The following ELP5 variants were observed in gnomAD, a reference collection of about 807,000 sequenced individuals.
ELP5 encodes elongator complex protein 5.
In ELP5, 34 loss-of-function variants were observed where a neutral mutation model predicts 33.4. The ratio of observed to expected loss-of-function variants is 1.02; its 90% CI spans 0.78 to 1.36. The LOEUF (loss-of-function observed/expected upper bound fraction) is 1.36, where lower values mean the gene tolerates loss of function less well. ELP5 is among the 40% of genes most tolerant of loss of function. The pLI is 0.00. For missense variants in ELP5, 373 were observed against 371.7 expected, an observed-to-expected ratio of 1.00 and a Z score of -0.03; for synonymous variants, 161 against 146.4, an observed-to-expected ratio of 1.10 and a Z score of -0.72.
At chr17:7,259,406 A>G (rs750149164) in intron 7 of ELP5, 165 bp from the exon 8 acceptor site, 139 of 1,444,410 alleles carry the variant, frequency 9.6e-5, no homozygotes, top group Non-Finnish European at 1.2e-4. Flanking sequence ...CCAGTACCAA[A>G]TGGTGCTTCA....
intron 4 of ELP5, among the ~76,000 whole-genome samples, chr17:7,255,591 G>A (rs549614580): frequency 6.6e-6 from 1 of 152,082 alleles, no homozygotes; most frequent in Admixed American, 6.5e-5. Flanking sequence ...GCCGGGCAGG[G>A]GCACTGAGAC....
intron 5 of ELP5, 49 bp downstream of exon 5, chr17:7,257,087 G>C: frequency 6.7e-7 from 1 of 1,487,742 alleles, no homozygotes; most frequent in Non-Finnish European, 8.9e-7. Flanking sequence ...CAGAGAAAGG[G>C]GTGGCACGAT....
chr17:7,252,714 C>T, intron 1 of ELP5, 56 bp from the exon 2 acceptor site: 1 of 1,612,670 alleles, frequency 6.2e-7, no homozygotes, highest in African/African-American at 1.3e-5. Context: ...GCGACGGGTT[C>T]GCGAAGGCGG....
upstream of ELP5, chr17:7,251,945 T>G (rs541118059): frequency 6.2e-6 from 1 of 160,144 alleles, no homozygotes; most frequent in East Asian, 1.9e-4. Flanking sequence ...GGTTTCCCAC[T>G]CTGACAGGCG....
rs201957922 is a variant in ELP5, at chr17:7,259,587, C to A, written c.805C>A (p.Arg269=). The A allele has an allele frequency of 6.2e-7, 1 of 1,614,236 alleles. No individual in the cohort carries two copies. The highest frequency in any genetic ancestry group is 8.5e-7 in the Non-Finnish European group (1 of 1,180,028). Residue 269 remains arginine (R), a synonymous_variant, in exon 8 of 8, where the codon CGG becomes AGG. Coordinates refer to ENST00000396628, the MANE Select transcript of ELP5 (RefSeq NM_203414.3). ...CCTTCTCAGACAGCAGGCTCTCCTG[C>A]GGCCTAGGCCAGGGCAGGCTACCAG... is the stretch of plus-strand genomic sequence containing the variant. ...FSSEKQQALL[R]PRPGQATSHI...
chr17:7,253,944 C>T (rs1043350859), intron 3 of ELP5, among the ~76,000 whole-genome samples: 7 of 149,472 alleles, frequency 4.7e-5, no homozygotes, highest in African/African-American at 1.7e-4. Context: ...TTGCAGTGAG[C>T]GGAGATCACG....
At chr17:7,256,678 AGAG>A (rs1472080347) in intron 4 of ELP5, among the ~76,000 whole-genome samples, 176 bp from the exon 5 acceptor site, 1 of 152,188 alleles carries the variant, frequency 6.6e-6, no homozygotes, top group African/African-American at 2.4e-5. Flanking sequence ...TTGGGATGAT[AGAG>A]GAGATTAAGG....
intron 4 of ELP5, among the ~76,000 whole-genome samples, chr17:7,256,558 G>A (rs1400802641): frequency 6.6e-6 from 1 of 152,238 alleles, no homozygotes; most frequent in African/African-American, 2.4e-5. Flanking sequence ...GTGTGTAAGA[G>A]ATGAGGCTGG....
In ELP5 at chr17:7,252,783, G is replaced by C; in HGVS notation, c.60G>C (p.Trp20Cys). ...GLVLLRDSVE[W>C]EGRSLLKALV... Reference sequence around the variant, plus strand: ...CTCGCTCTGCAGATTCCGTGGAGTGGGAGGGGCGCAGTCTCTTGAAGGCGC... The same window carrying C: ...CTCGCTCTGCAGATTCCGTGGAGTGCGAGGGGCGCAGTCTCTTGAAGGCGC... Residue 20 changes from tryptophan to cysteine, a missense_variant, in exon 2 of 8, where the codon TGG (tryptophan) becomes TGC (cysteine). Coordinates refer to ENST00000396628, the MANE Select transcript of ELP5 (RefSeq NM_203414.3). 6.2e-7 allele frequency: 1 copy of C among 1,614,234 alleles called. No individual in the cohort carries two copies. The highest frequency in any genetic ancestry group is 8.5e-7 in the Non-Finnish European group (1 of 1,180,038).
At chr17:7,258,781 G>T (rs763636423) in intron 6 of ELP5, 45 bp from the exon 7 acceptor site, 1 of 1,614,138 alleles carries the variant, frequency 6.2e-7, no homozygotes, top group African/African-American at 1.3e-5. Flanking sequence ...TGGGGTCAGG[G>T]ATTCTAGGGA....
intron 3 of ELP5, among the ~76,000 whole-genome samples, 188 bp from the exon 4 acceptor site, chr17:7,254,395 G>A (rs1439988860): frequency 6.6e-6 from 1 of 152,202 alleles, no homozygotes; most frequent in African/African-American, 2.4e-5. Flanking sequence ...CAAGCTTGGA[G>A]ATCAGGCTGT....
At chr17:7,258,511 G>A in intron 5 of ELP5, 77 bp from the exon 6 acceptor site, 1 of 1,392,274 alleles carries the variant, frequency 7.2e-7, no homozygotes, top group Non-Finnish European at 1.0e-6. Flanking sequence ...GTGATTGGGG[G>A]CTGAGGATGT....
intron 7 of ELP5, 196 bp from the exon 8 acceptor site, chr17:7,259,375 A>G: frequency 7.1e-7 from 1 of 1,412,776 alleles, no homozygotes. Context: ...TTATTAGGAG[A>G]GCAGTACAAG....
intron 5 of ELP5, among the ~76,000 whole-genome samples, chr17:7,257,905 T>C (rs1490480837): frequency 2.0e-5 from 3 of 151,970 alleles, no homozygotes; most frequent in African/African-American, 4.8e-5. Context: ...TCATCTCTAC[T>C]AAAAATACAA....
intron 4 of ELP5, 129 bp from the exon 5 acceptor site, chr17:7,256,728 T>C (rs749030847): frequency 1.9e-5 from 16 of 860,228 alleles, no homozygotes; most frequent in Non-Finnish European, 3.0e-5. Context: ...GGTAGTGAGA[T>C]TGGCCAAGGG....
chr17:7,258,948 G>A (rs375456559), intron 7 of ELP5, 22 bp downstream of exon 7: 142 of 1,613,920 alleles, frequency 8.8e-5, no homozygotes, highest in Middle Eastern at 3.3e-4. Flanking sequence ...ACCTGGGTAC[G>A]TGGATCCCTG....
At position 7,254,904 on chromosome 17, in the gene ELP5, T is replaced by G. The variant is rs763815184; in HGVS notation, c.409+101T>G. The G allele has an allele frequency of 1.6e-5, 15 of 921,856 alleles. No homozygotes were observed. In the East Asian group the frequency reaches 4.4e-4, roughly 27 times the overall value. 57.1% of individuals were successfully genotyped at this position (921,856 alleles called of 1,614,324 possible). ...TAGAATAAACATCTGGGTTCTCCAGTCAGACCTTTTTTCATTTTTTTGACT... is the reference window on the plus strand; with the variant it reads ...TAGAATAAACATCTGGGTTCTCCAGGCAGACCTTTTTTCATTTTTTTGACT... On this transcript the variant is annotated intron_variant, in intron 4 of 7. Transcript: ENST00000396628.
Position 7,252,500 on chromosome 17 carries a change from G to A in ELP5, c.-51G>A. The A allele has an allele frequency of 6.2e-7, 1 of 1,613,560 alleles. No homozygotes were observed. Among genetic ancestry groups the A allele is most frequent in the South Asian group, 1.1e-5 (1 of 90,936 alleles). On this transcript the variant is annotated 5_prime_UTR_variant, in exon 1 of 8. Transcript: ENST00000396628. ...TCACCCCGAGGAGGAAGGACACTGG[G>A]TCATGACGCCATCAGAGGGCGCCAG... is the stretch of plus-strand genomic sequence containing the variant.
chr17:7,253,989 C>T (rs2072014232), intron 3 of ELP5, among the ~76,000 whole-genome samples: 1 of 142,714 alleles, frequency 7.0e-6, no homozygotes, highest in South Asian at 2.2e-4. Flanking sequence ...GAGCGAAACT[C>T]TGTCTCAAAA....
Sources: allele counts gnomAD v4.1 joint callset (sites outside exome capture counted in the v4.1 genomes callset), GRCh38; gene constraint gnomAD v4.1.1; transcripts MANE v1.5; gene names NCBI Gene and HGNC (gene_info 2026-07-23, HGNC 2026-07-21).